The following GNB4 variants were observed in gnomAD, a reference collection of about 807,000 sequenced individuals.
GNB4 encodes guanine nucleotide-binding protein subunit beta-4.
In GNB4, 28 loss-of-function variants were observed where a neutral mutation model predicts 45.2. The ratio of observed to expected loss-of-function variants is 0.62; its 90% confidence interval spans 0.46 to 0.85. The LOEUF is 0.85. Among genes scored for constraint, GNB4 ranks in the 40% least tolerant of loss-of-function variants. The pLI is 0.00. For missense variants in GNB4, 321 were observed against 425.4 expected (o/e 0.75, Z 2.16); for synonymous variants, 132 against 143.7 (o/e 0.92, Z 0.58).
the GNB4 span, among the ~76,000 whole-genome samples, chr3:179,468,030 A>ATT: frequency 3.8e-3 from 467 of 123,818 alleles, 19 homozygotes; most frequent in African/African-American, 0.013. Flanking sequence ...CATTTTGTTG[A>ATT]TAAAAATATA....
the GNB4 span, chr3:179,464,729 C>T: frequency 9.4e-7 from 1 of 1,061,274 alleles, no homozygotes; most frequent in Non-Finnish European, 1.5e-6. Flanking sequence ...ATGTAGATGG[C>T]CTCCTTGTTC....
intron 1 of GNB4, among the ~76,000 whole-genome samples, chr3:179,427,716 A>G (rs1336402643): frequency 2.6e-5 from 4 of 152,134 alleles, no homozygotes; most frequent in Non-Finnish European, 5.9e-5. Flanking sequence ...CCAGTAAATA[A>G]AGCAACCTGA....
the GNB4 span, among the ~76,000 whole-genome samples, chr3:179,520,903 C>T: frequency 1.3e-5 from 2 of 152,084 alleles, no homozygotes; most frequent in East Asian, 3.9e-4. Context: ...TGCTATAGTA[C>T]AAGCCACTAG....
chr3:179,404,468 A>C (rs1215170320), intron 9 of GNB4, among the ~76,000 whole-genome samples: 1 of 152,158 alleles, frequency 6.6e-6, no homozygotes, highest in Non-Finnish European at 1.5e-5. Flanking sequence ...CAGCTACTCC[A>C]GAGGCTGAGG....
At chr3:179,493,692 C>A in the GNB4 span, among the ~76,000 whole-genome samples, 1 of 152,150 alleles carries the variant, frequency 6.6e-6, no homozygotes, top group South Asian at 2.1e-4. Context: ...TTAACACTAT[C>A]ATCTTGGAAA....
At chr3:179,460,953 A>G in the GNB4 span, among the ~76,000 whole-genome samples, 1 of 152,242 alleles carries the variant, frequency 6.6e-6, no homozygotes, top group Non-Finnish European at 1.5e-5. Flanking sequence ...TACGAATGAA[A>G]TCAATGGTCA....
chr3:179,476,692 C>T, the GNB4 span, among the ~76,000 whole-genome samples: 1 of 152,220 alleles, frequency 6.6e-6, no homozygotes, highest in Non-Finnish European at 1.5e-5. Context: ...AGCCATGTCC[C>T]TGCAGCTGTT....
chr3:179,445,190 T>G (rs923849860), intron 1 of GNB4, among the ~76,000 whole-genome samples: 4 of 152,218 alleles, frequency 2.6e-5, no homozygotes, highest in Non-Finnish European at 5.9e-5. Context: ...GAAAGTAGAT[T>G]TCATTAATTT....
chr3:179,452,263 G>T (rs1715904698), upstream of GNB4: 1 of 150,188 alleles, frequency 6.7e-6, no homozygotes. Context: ...TGTTTAAAAT[G>T]TCATAAAATA....
the GNB4 span, among the ~76,000 whole-genome samples, chr3:179,460,664 A>T: frequency 0.84 from 126,934 of 151,916 alleles, 53,629 homozygotes; most frequent in East Asian, 1. Flanking sequence ...ACCTAAATCA[A>T]CCTTTTTTTT....
At chr3:179,464,080 AT>A in the GNB4 span, among the ~76,000 whole-genome samples, 2 of 152,320 alleles carry the variant, frequency 1.3e-5, no homozygotes, top group East Asian at 3.9e-4. Context: ...TATCAAATAC[AT>A]TGTATACCTT....
At chr3:179,441,347 T>C (rs1050592222) in intron 1 of GNB4, among the ~76,000 whole-genome samples, 4 of 152,366 alleles carry the variant, frequency 2.6e-5, no homozygotes, top group Middle Eastern at 3.4e-3. Flanking sequence ...CCTGGGCTAC[T>C]AACCCGTACT....
chr3:179,401,474 A>G (rs542325289), intron 9 of GNB4, among the ~76,000 whole-genome samples, 155 bp from the exon 10 acceptor site: 1 of 151,798 alleles, frequency 6.6e-6, no homozygotes, highest in African/African-American at 2.4e-5. Context: ...GAAAACAACA[A>G]ATTTCTCTGA....
At chr3:179,512,065 C>T in the GNB4 span, among the ~76,000 whole-genome samples, 2 of 152,212 alleles carry the variant, frequency 1.3e-5, no homozygotes, top group African/African-American at 4.8e-5. Context: ...TGATAGAATA[C>T]ATGTCCTACT....
At chr3:179,511,395 A>G in the GNB4 span, among the ~76,000 whole-genome samples, 2,104 of 152,360 alleles carry the variant, frequency 0.014, 27 homozygotes, top group Admixed American at 0.028. Context: ...ATTTCAGAGC[A>G]TTCACAGTGG....
chr3:179,485,494 T>A, the GNB4 span, among the ~76,000 whole-genome samples: 21 of 152,204 alleles, frequency 1.4e-4, no homozygotes, highest in African/African-American at 4.8e-4. Context: ...TCTGGCAATA[T>A]TTAATTAGCT....
chr3:179,403,100 A>G (rs1215970640), intron 9 of GNB4, among the ~76,000 whole-genome samples: 2 of 152,208 alleles, frequency 1.3e-5, no homozygotes, highest in Admixed American at 1.3e-4. Flanking sequence ...TGGAAGATGG[A>G]AAAAGGAAGA....
At chr3:179,493,362 C>G in the GNB4 span, among the ~76,000 whole-genome samples, 2 of 151,674 alleles carry the variant, frequency 1.3e-5, no homozygotes. Flanking sequence ...AAAATTAGTT[C>G]AACAGAGAGA....
chr3:179,430,882 G>C (rs371281084), intron 1 of GNB4, among the ~76,000 whole-genome samples: 1 of 151,982 alleles, frequency 6.6e-6, no homozygotes, highest in African/African-American at 2.4e-5. Flanking sequence ...GAGAAAGACT[G>C]AACAACCCTA....
Sources: allele counts gnomAD v4.1 joint callset (sites outside exome capture counted in the v4.1 genomes callset), GRCh38; gene constraint gnomAD v4.1.1; transcripts MANE v1.5; gene names NCBI Gene and HGNC (gene_info 2026-07-23, HGNC 2026-07-21).